SPATA13: variants seen among roughly 807,000 people sequenced by gnomAD.
SPATA13 encodes the protein spermatogenesis-associated protein 13.
SPATA13 carries 50 observed loss-of-function variants against 104.0 expected under a neutral mutation model. The observed-to-expected ratio is 0.48, with a 90% CI of 0.38 to 0.61. The LOEUF is 0.61. SPATA13 is among the 20% of genes least tolerant of loss of function. The probability of loss-of-function intolerance (pLI) is 0.00; values close to 1 mark genes in which losing one functional copy is unlikely to be tolerated. For missense variants in SPATA13, 1,524 were observed against 1,690.6 expected, an observed-to-expected ratio of 0.90 and a Z score of 1.73; for synonymous variants, 606 against 667.5, an observed-to-expected ratio of 0.91 and a Z score of 1.42.
intron 1 of SPATA13, among the ~76,000 whole-genome samples, chr13:24,186,205 C>G (rs1218174698): frequency 6.6e-6 from 1 of 152,166 alleles, no homozygotes; most frequent in Non-Finnish European, 1.5e-5. Context: ...TGTTACGGTT[C>G]ACAGGGGAAC....
intron 12 of SPATA13, 129 bp downstream of exon 12, chr13:24,300,604 G>A: frequency 1.2e-6 from 1 of 826,538 alleles, no homozygotes; most frequent in Non-Finnish European, 2.0e-6. Context: ...GAACTCAAGG[G>A]CAGGTCCAGA....
rs1005686267 is a variant in SPATA13, at chr13:24,303,961, C to CT, written c.*1188_*1189insT. ...ACAACTGTTTGCAATATAAAAAGCT[C>CT]ATTTACTGTAATATTTATGATACAG... On this transcript the variant is annotated 3_prime_UTR_variant, in exon 13 of 13. Coordinates refer to ENST00000382108, the MANE Select transcript of SPATA13 (RefSeq NM_001166271.3). The CT allele has an allele frequency of 5.3e-4, 80 of 152,328 alleles. No homozygotes were observed. Among genetic ancestry groups the CT allele is most frequent in the African/African-American group, 1.9e-3 (78 of 41,578 alleles). 9.4% of individuals were successfully genotyped at this position (152,328 alleles called of 1,614,324 possible).
intron 2 of SPATA13, among the ~76,000 whole-genome samples, chr13:23,986,152 G>A (rs1011927504): frequency 2.6e-5 from 4 of 152,160 alleles, no homozygotes; most frequent in African/African-American, 4.8e-5. Context: ...CCATGGTCTC[G>A]CATGTACACA....
chr13:24,027,922 G>T (rs9553145), intron 3 of SPATA13, among the ~76,000 whole-genome samples: 1 of 152,066 alleles, frequency 6.6e-6, no homozygotes. Context: ...TCCAGCATCT[G>T]CTTAAACATC....
chr13:24,046,354 G>A (rs1878143995), intron 3 of SPATA13, among the ~76,000 whole-genome samples: 1 of 150,588 alleles, frequency 6.6e-6, no homozygotes, highest in Non-Finnish European at 1.5e-5. Context: ...GTGCAGTGGT[G>A]TGATTATAGC....
intron 4 of SPATA13, among the ~76,000 whole-genome samples, chr13:24,265,301 G>A (rs1484038238): frequency 6.6e-6 from 1 of 152,194 alleles, no homozygotes; most frequent in Non-Finnish European, 1.5e-5. Context: ...GCTAGGACAT[G>A]CCATGCCCTG....
chr13:24,154,420 C>T (rs1882197335), intron 3 of SPATA13, among the ~76,000 whole-genome samples: 1 of 151,556 alleles, frequency 6.6e-6, no homozygotes, highest in Non-Finnish European at 1.5e-5. Flanking sequence ...AAGTCAGACA[C>T]AAAAGTATAC....
chr13:24,141,635 A>G (rs1162149596), intron 3 of SPATA13, among the ~76,000 whole-genome samples: 2 of 152,164 alleles, frequency 1.3e-5, no homozygotes, highest in Non-Finnish European at 2.9e-5. Flanking sequence ...AGGGAAGGGC[A>G]CGAGTCATGT....
chr13:24,025,870 C>T (rs1449761195), intron 3 of SPATA13, among the ~76,000 whole-genome samples: 1 of 149,856 alleles, frequency 6.7e-6, no homozygotes, highest in Non-Finnish European at 1.5e-5. Context: ...AGTGCAATGG[C>T]GCGATCTCAC....
intron 3 of SPATA13, among the ~76,000 whole-genome samples, chr13:24,108,352 C>T (rs1467292903): frequency 6.6e-6 from 1 of 152,206 alleles, no homozygotes; most frequent in Non-Finnish European, 1.5e-5. Context: ...CTTAAACCTC[C>T]GTTTCTTGTT....
intron 4 of SPATA13, among the ~76,000 whole-genome samples, chr13:24,270,446 A>ATAAATAC (rs1874519353): frequency 1.3e-5 from 2 of 152,234 alleles, no homozygotes; most frequent in South Asian, 4.1e-4. Flanking sequence ...CTCTTGTGAA[A>ATAAATAC]TAAATACCTT....
chr13:24,019,123 C>G (rs1162844166), intron 3 of SPATA13, among the ~76,000 whole-genome samples: 1 of 147,632 alleles, frequency 6.8e-6, no homozygotes, highest in African/African-American at 2.5e-5. Flanking sequence ...GAGTCTCGCT[C>G]TGTCGCCCAG....
chr13:24,277,393 G>C (rs1405672253), intron 4 of SPATA13, among the ~76,000 whole-genome samples: 4 of 141,166 alleles, frequency 2.8e-5, no homozygotes, highest in Non-Finnish European at 6.0e-5. Context: ...GCAGTGACCC[G>C]AGATCGCGCC....
Position 24,246,723 on chromosome 13 carries a change from C to T in SPATA13, c.1654-2754C>T, listed in dbSNP as rs376082649. On this transcript the variant is annotated intron_variant, in intron 2 of 12. Coordinates refer to ENST00000382108, the MANE Select transcript of SPATA13 (RefSeq NM_001166271.3). ...AAAATGTATATCTAAATTAGCTGGG[C>T]GTGGTGGTAGGTGCCTGTAATCCCA... Among the ~76,000 whole-genome samples, 58 of 152,086 alleles carry T rather than the reference C, an allele frequency of 3.8e-4. No individual in the cohort carries two copies. The South Asian group carries it at 0.011, about 29-fold the overall frequency.
chr13:24,169,107 T>C (rs914976224), intron 1 of SPATA13, among the ~76,000 whole-genome samples: 8 of 152,186 alleles, frequency 5.3e-5, no homozygotes, highest in African/African-American at 1.4e-4. Context: ...AGGATTAGCC[T>C]GGCATTGGGA....
chr13:24,136,488 GAAGA>G (rs1172138187), intron 3 of SPATA13, among the ~76,000 whole-genome samples: 3 of 151,176 alleles, frequency 2.0e-5, no homozygotes, highest in East Asian at 1.9e-4. Context: ...AAAAGAAAGA[GAAGA>G]AAGAAAGAAA....
intron 1 of SPATA13, among the ~76,000 whole-genome samples, chr13:24,201,719 G>A (rs1189218889): frequency 6.6e-6 from 1 of 152,186 alleles, no homozygotes; most frequent in African/African-American, 2.4e-5. Context: ...GATGACAGGT[G>A]TGAGCCACCA....
intron 3 of SPATA13, among the ~76,000 whole-genome samples, chr13:24,097,377 C>G (rs1880117942): frequency 6.6e-6 from 1 of 152,120 alleles, no homozygotes; most frequent in African/African-American, 2.4e-5. Context: ...CTGGTCTACT[C>G]ACTCCAGGAC....
chr13:24,108,759 C>T (rs1277260905), intron 3 of SPATA13, among the ~76,000 whole-genome samples: 2 of 152,092 alleles, frequency 1.3e-5, no homozygotes, highest in African/African-American at 2.4e-5. Context: ...CTGGAGGCCC[C>T]GAGCCCACAG....
Sources: gnomAD v4.1 joint callset for allele counts (sites outside exome capture counted in the v4.1 genomes callset) on GRCh38, gnomAD v4.1.1 for gene constraint, MANE v1.5 for transcripts, NCBI Gene and HGNC (gene_info 2026-07-23, HGNC 2026-07-21) for gene names.